Variants in PDE7A observed in about 807,000 individuals in gnomAD.
PDE7A encodes the protein high affinity 3',5'-cyclic-AMP phosphodiesterase 7A.
In PDE7A, 39 loss-of-function variants were observed where a neutral mutation model predicts 64.3. The observed-to-expected ratio is 0.61, with a 90% CI of 0.47 to 0.79. PDE7A has a LOEUF of 0.79. PDE7A is among the 30% of genes least tolerant of loss of function. PDE7A has a pLI of 0.00. For synonymous variants in PDE7A, 203 were observed against 206.8 expected, an observed-to-expected ratio of 0.98 and a Z score of 0.16; for missense variants, 470 against 582.8, an observed-to-expected ratio of 0.81 and a Z score of 1.99.
chr8:65,796,662 T>A (rs1385798487), intron 1 of PDE7A, among the ~76,000 whole-genome samples: 1 of 152,026 alleles, frequency 6.6e-6, no homozygotes, highest in Non-Finnish European at 1.5e-5. Flanking sequence ...TGATAAACAA[T>A]CTTAATAAAC....
rs150962353 is a variant in PDE7A, at chr8:65,812,690, T to A, written c.138+28681A>T. The stretch of plus-strand genomic sequence containing the variant: ...TAAAACCTTATTTTTCTTATATTAC[T>A]CTTACAATGCAACAAGATAATGGCC... On this transcript the variant is annotated intron_variant, in intron 1 of 12. Coordinates refer to ENST00000401827, the MANE Select transcript of PDE7A (RefSeq NM_001242318.3). 3.3e-4 allele frequency among the ~76,000 whole-genome samples: 50 copies of A among 152,318 alleles called. No homozygotes were observed. The East Asian group carries it at 7.7e-3, about 23-fold the overall frequency.
rs975215288 is a variant in PDE7A at position 65,841,401 on chromosome 8, G to C, written c.108C>G (p.Phe36Leu). ...AISFSSSSAL[F>L]GCPNPRQLSQ... ...AGAGCTGCCGGGGATTGGGGCAGCCGAAGAGAGCGGAGCTGGAGCTGAAGC... is the reference window on the plus strand; with the variant it reads ...AGAGCTGCCGGGGATTGGGGCAGCCCAAGAGAGCGGAGCTGGAGCTGAAGC... The change falls in exon 1 of 13, where the codon TTC becomes TTG. Residue 36 changes from phenylalanine (F) to leucine (L), a missense_variant. Physicochemically the swap from Phe to Leu is conservative, Grantham distance 22. Transcript: ENST00000401827. 3 of 1,563,930 alleles carry C rather than the reference G, an allele frequency of 1.9e-6. No individual in the cohort carries two copies. The highest frequency in any genetic ancestry group is 2.8e-5 in the African/African-American group (2 of 70,642).
intron 3 of PDE7A, among the ~76,000 whole-genome samples, chr8:65,764,724 A>G (rs1488546761): frequency 6.6e-6 from 1 of 152,032 alleles, no homozygotes; most frequent in Non-Finnish European, 1.5e-5. Flanking sequence ...TTCATGTCAT[A>G]ATACAACTAA....
chr8:65,812,075 C>T lies in PDE7A; in HGVS notation c.139-29232G>A, dbSNP rs920180584. Among the ~76,000 whole-genome samples, 17 of 152,014 alleles carry T rather than the reference C, an allele frequency of 1.1e-4. No homozygotes were observed. The East Asian group carries it at 3.1e-3, about 28-fold the overall frequency. ...TACAAAAAATTAGCCAGGAGAGTGG[C>T]ATGTGTCTGTGGTCCCGGCTACTCA... On this transcript the variant is annotated intron_variant, in intron 1 of 12. Coordinates refer to ENST00000401827, the MANE Select transcript of PDE7A (RefSeq NM_001242318.3).
chr8:65,767,203 A>C (rs1808833771), intron 3 of PDE7A, among the ~76,000 whole-genome samples: 1 of 152,232 alleles, frequency 6.6e-6, no homozygotes, highest in African/African-American at 2.4e-5. Flanking sequence ...CAGGGCAAAG[A>C]GGTTAAACAT....
chr8:65,779,815 CA>C lies in PDE7A; in HGVS notation c.200-13del. The C allele has an allele frequency of 1.3e-6, 2 of 1,537,038 alleles. No homozygotes were observed. The highest frequency in any genetic ancestry group is 1.8e-6 in the Non-Finnish European group (2 of 1,121,568). ...TACACGTACATCTCCTGGACAGAAT[CA>C]AGAATAAAACATAAGTTTAGAAGGT... is the stretch of plus-strand genomic sequence containing the variant. On this transcript the variant is annotated splice_polypyrimidine_tract_variant and intron_variant, in intron 2 of 12. Transcript: ENST00000401827.
At chr8:65,741,246 T>C (rs1807418385) in intron 5 of PDE7A, among the ~76,000 whole-genome samples, 1 of 152,170 alleles carries the variant, frequency 6.6e-6, no homozygotes, top group Non-Finnish European at 1.5e-5. Flanking sequence ...TCACATAGAC[T>C]CATAAATTAC....
intron 5 of PDE7A, among the ~76,000 whole-genome samples, chr8:65,744,535 C>A (rs1807585692): frequency 6.6e-6 from 1 of 152,126 alleles, no homozygotes; most frequent in Non-Finnish European, 1.5e-5. Flanking sequence ...TGATTAGAAT[C>A]ACCTGTGGGC....
At chr8:65,807,892 G>A (rs1390440121) in intron 1 of PDE7A, among the ~76,000 whole-genome samples, 3 of 152,110 alleles carry the variant, frequency 2.0e-5, no homozygotes, top group East Asian at 1.9e-4. Context: ...ACCATATCTG[G>A]AGCCACTAAA....
chr8:65,779,620 AGAGTTTTTTT>A, intron 3 of PDE7A, 90 bp downstream of exon 3: 1 of 642,624 alleles, frequency 1.6e-6, no homozygotes, highest in Non-Finnish European at 2.7e-6. Context: ...CAAACATAAT[AGAGTTTTTTT>A]TCTGGTATTC....
chr8:65,737,134 T>A (rs1433192267), intron 6 of PDE7A, among the ~76,000 whole-genome samples: 1 of 151,974 alleles, frequency 6.6e-6, no homozygotes. Context: ...TAAAAACACC[T>A]GAGTTATTAT....
At position 65,761,254 on chromosome 8, in the gene PDE7A, T is replaced by C. The variant is rs560508033; in HGVS notation, c.284-13451A>G. ...CTAATGTTTGTATTTTTAGTAGAGA[T>C]GGGGTTTCACCATGTTGGCCAGGCT... is the stretch of plus-strand genomic sequence containing the variant. On this transcript the variant is annotated intron_variant, in intron 3 of 12. Coordinates refer to ENST00000401827, the MANE Select transcript of PDE7A (RefSeq NM_001242318.3). 8.6e-5 allele frequency among the ~76,000 whole-genome samples: 13 copies of C among 151,866 alleles called. No homozygotes were observed. In the South Asian group the frequency reaches 2.3e-3, roughly 27 times the overall value.
rs192282398 is a variant in PDE7A at position 65,730,420 on chromosome 8, T to C, written c.697-3119A>G. Among the ~76,000 whole-genome samples, 185 of 151,776 alleles carry C rather than the reference T, an allele frequency of 1.2e-3. 1 individual carries two copies. The highest frequency in any genetic ancestry group is 4.3e-3 in the African/African-American group (179 of 41,422). Reference sequence around the variant, plus strand: ...GTCTCGAACTCCCAACCTCAGGTGATCCACCTGCCTCAGCCTCCCAAAGTG... The same window carrying C: ...GTCTCGAACTCCCAACCTCAGGTGACCCACCTGCCTCAGCCTCCCAAAGTG... On this transcript the variant is annotated intron_variant, in intron 7 of 12. Coordinates refer to ENST00000401827, the MANE Select transcript of PDE7A (RefSeq NM_001242318.3).
At chr8:65,742,691 A>C (rs1382032352) in intron 5 of PDE7A, among the ~76,000 whole-genome samples, 1 of 152,164 alleles carries the variant, frequency 6.6e-6, no homozygotes, top group African/African-American at 2.4e-5. Context: ...AAGCTAAAGG[A>C]ATTTTTTTCT....
intron 1 of PDE7A, among the ~76,000 whole-genome samples, chr8:65,825,412 T>C (rs1178504884): frequency 6.6e-6 from 1 of 152,206 alleles, no homozygotes; most frequent in Admixed American, 6.5e-5. Flanking sequence ...ACCAAGAACA[T>C]CAGCCTCCAC....
chr8:65,754,023 G>T (rs1355830), intron 3 of PDE7A, among the ~76,000 whole-genome samples: 35,225 of 151,874 alleles, frequency 0.23, 5,811 homozygotes, highest in African/African-American at 0.47. Flanking sequence ...GGGGAGTTAA[G>T]TATTAACTCA....
rs201229683 is a variant in PDE7A at position 65,796,106 on chromosome 8, A to AAAAT, written c.139-13267_139-13264dup. Among the ~76,000 whole-genome samples, 946 of 151,630 alleles carry AAAAT rather than the reference A, an allele frequency of 6.2e-3. 9 individuals carry two copies. Among genetic ancestry groups the AAAAT allele is most frequent in the African/African-American group, 0.021 (871 of 41,422 alleles). The stretch of plus-strand genomic sequence containing the variant: ...ATGCACACAGAGAAACAAAAGCCAA[A>AAAAT]AAATAAATAAATAAATAAATAAAAA... On this transcript the variant is annotated intron_variant, in intron 1 of 12. Transcript: ENST00000401827.
chr8:65,792,301 G>A (rs544767530), intron 1 of PDE7A, among the ~76,000 whole-genome samples: 15 of 152,234 alleles, frequency 9.9e-5, no homozygotes, highest in Admixed American at 7.8e-4. Context: ...ACCTTTCTGG[G>A]GTTTATAAGG....
At chr8:65,822,698 T>C (rs534616634) in intron 1 of PDE7A, among the ~76,000 whole-genome samples, 2 of 152,066 alleles carry the variant, frequency 1.3e-5, no homozygotes, top group Admixed American at 6.5e-5. Flanking sequence ...AATAAATCAG[T>C]AGAGAAAAAG....
Sources: gnomAD v4.1 joint callset for allele counts (sites outside exome capture counted in the v4.1 genomes callset) on GRCh38, gnomAD v4.1.1 for gene constraint, MANE v1.5 for transcripts, NCBI Gene and HGNC (gene_info 2026-07-23, HGNC 2026-07-21) for gene names.